Variants in AGBL1 observed in about 807,000 individuals in gnomAD.
The protein encoded by AGBL1 is AGBL carboxypeptidase 1, also known as cytosolic carboxypeptidase 4.
In AGBL1, 130 loss-of-function variants were observed where a neutral mutation model predicts 118.9. That is an observed-to-expected ratio of 1.09 (90% CI 0.95 to 1.26). The LOEUF (loss-of-function observed/expected upper bound fraction) is 1.26. Ranked by LOEUF, AGBL1 falls within the 50% of genes most tolerant of loss-of-function variation. The pLI is 0.00. For missense variants in AGBL1, 1,584 were observed against 1,298.1 expected, an observed-to-expected ratio of 1.22 and a Z score of -3.38; for synonymous variants, 555 against 478.9, an observed-to-expected ratio of 1.16 and a Z score of -2.08.
chr15:86,583,215 G>T (rs755348228), intron 21 of AGBL1, among the ~76,000 whole-genome samples: 1 of 151,916 alleles, frequency 6.6e-6, no homozygotes, highest in Non-Finnish European at 1.5e-5. Flanking sequence ...TGTTACTTGA[G>T]TATATTGAGT....
intron 17 of AGBL1, among the ~76,000 whole-genome samples, chr15:86,337,211 C>T (rs978089120): frequency 7.2e-5 from 11 of 152,158 alleles, no homozygotes; most frequent in Non-Finnish European, 1.3e-4. Context: ...CTATTTGATT[C>T]TCATGTGTTA....
intron 21 of AGBL1, among the ~76,000 whole-genome samples, chr15:86,561,576 G>T (rs2083821257): frequency 6.6e-6 from 1 of 152,196 alleles, no homozygotes; most frequent in African/African-American, 2.4e-5. Flanking sequence ...ATAGTTTGAA[G>T]TCAGGTAGTG....
At chr15:86,704,169 C>T (rs1201719146) in intron 22 of AGBL1, among the ~76,000 whole-genome samples, 5 of 152,142 alleles carry the variant, frequency 3.3e-5, no homozygotes, top group South Asian at 2.1e-4. Flanking sequence ...AATGTAAAAT[C>T]CCAAACCATA....
chr15:86,725,498 G>C (rs1567142196), intron 22 of AGBL1, among the ~76,000 whole-genome samples: 2 of 152,228 alleles, frequency 1.3e-5, no homozygotes. Context: ...ACCAGGCTTA[G>C]CTGAAAAGTT....
intron 5 of AGBL1, among the ~76,000 whole-genome samples, chr15:86,214,557 T>C (rs1364170773): frequency 6.6e-6 from 1 of 152,258 alleles, no homozygotes; most frequent in Non-Finnish European, 1.5e-5. Flanking sequence ...AAGTGCTAAC[T>C]TGAGAGTCAC....
At chr15:86,209,410 G>A (rs59746928) in intron 5 of AGBL1, among the ~76,000 whole-genome samples, 15,286 of 152,084 alleles carry the variant, frequency 0.1, 2,623 homozygotes, top group African/African-American at 0.35. Context: ...AATATTGACA[G>A]TGGAGTGTTA....
At chr15:86,459,709 G>C (rs1409777385) in intron 18 of AGBL1, among the ~76,000 whole-genome samples, 2 of 152,034 alleles carry the variant, frequency 1.3e-5, no homozygotes, top group Non-Finnish European at 2.9e-5. Context: ...GGCTCAGAAA[G>C]GTCATATGCT....
At chr15:86,184,306 A>G (rs1306422776) in intron 5 of AGBL1, among the ~76,000 whole-genome samples, 2 of 152,178 alleles carry the variant, frequency 1.3e-5, no homozygotes, top group African/African-American at 2.4e-5. Context: ...AATTAGTCAT[A>G]AGGTCCATAG....
chr15:86,721,860 T>C (rs1478090619), intron 22 of AGBL1, among the ~76,000 whole-genome samples: 1 of 152,136 alleles, frequency 6.6e-6, no homozygotes. Context: ...TATACACCGA[T>C]AACAGATCAA....
chr15:86,809,010 A>G (rs1299298511), intron 22 of AGBL1, among the ~76,000 whole-genome samples: 1 of 152,128 alleles, frequency 6.6e-6, no homozygotes, highest in East Asian at 1.9e-4. Flanking sequence ...TTCTTTCGTA[A>G]AGTACTATTC....
intron 22 of AGBL1, among the ~76,000 whole-genome samples, chr15:86,746,334 G>A (rs896444271): frequency 6.6e-6 from 1 of 152,046 alleles, no homozygotes; most frequent in African/African-American, 2.4e-5. Flanking sequence ...TTGCCTCTGA[G>A]CCTTTAACCT....
intron 18 of AGBL1, 151 bp from the exon 19 acceptor site, chr15:86,522,659 C>A: frequency 1.0e-6 from 1 of 972,098 alleles, no homozygotes; most frequent in Non-Finnish European, 1.5e-6. Context: ...AGATCTACAG[C>A]TTTCTAGACA....
chr15:86,113,212 TTTTTCTTTTCTTTTCTTTTC>T lies in AGBL1; in HGVS notation c.52-28763_52-28744del, dbSNP rs144582554. On this transcript the variant is annotated intron_variant, in intron 1 of 22. Coordinates refer to ENST00000614907, the MANE Select transcript of AGBL1 (RefSeq NM_001386094.1). ...TTCACCTCTTTATTTTTTCTTTTTC[TTTTTCTTTTCTTTTCTTTTC>T]TTTTCTTTTCTTTTCTTTTCTTTTC... 9.7e-3 allele frequency among the ~76,000 whole-genome samples: 1,190 copies of T among 122,180 alleles called. 27 individuals are homozygous for T. Among genetic ancestry groups the T allele is most frequent in the African/African-American group, 0.03 (1,044 of 34,432 alleles). The allele number at this position is 122,180 out of a possible 152,430, so 80.2% of individuals were successfully genotyped here. A position where few individuals can be genotyped will look rare whatever the true frequency, so the allele number is the denominator to read the frequency against.
intron 21 of AGBL1, among the ~76,000 whole-genome samples, chr15:86,617,928 A>G (rs1331600542): frequency 6.6e-6 from 1 of 152,234 alleles, no homozygotes; most frequent in Non-Finnish European, 1.5e-5. Context: ...TGATTATGCA[A>G]TATTAGTGGA....
At chr15:86,458,529 A>G (rs1257632056) in intron 18 of AGBL1, among the ~76,000 whole-genome samples, 1 of 152,176 alleles carries the variant, frequency 6.6e-6, no homozygotes, top group Admixed American at 6.6e-5. Context: ...TATCAGAGCT[A>G]TCTTTTTTAG....
intron 5 of AGBL1, among the ~76,000 whole-genome samples, chr15:86,169,272 A>T (rs982435740): frequency 6.6e-6 from 1 of 152,210 alleles, no homozygotes; most frequent in Non-Finnish European, 1.5e-5. Context: ...ACCCTCAGGT[A>T]TTTAGCTGGA....
chr15:86,675,989 G>A (rs1237773841), intron 22 of AGBL1, among the ~76,000 whole-genome samples: 1 of 152,074 alleles, frequency 6.6e-6, no homozygotes, highest in African/African-American at 2.4e-5. Context: ...AAATACAATG[G>A]CTGCTATATA....
intron 22 of AGBL1, among the ~76,000 whole-genome samples, chr15:86,858,464 GT>G (rs1373351915): frequency 6.8e-5 from 1 of 14,722 alleles, no homozygotes; most frequent in East Asian, 4.8e-3. Context: ...CTTTCAGGTG[GT>G]GTGTGTGTGT....
At chr15:86,847,686 C>A (rs1330190150) in intron 22 of AGBL1, among the ~76,000 whole-genome samples, 4 of 152,136 alleles carry the variant, frequency 2.6e-5, no homozygotes, top group Non-Finnish European at 4.4e-5. Context: ...ACAGTCAGAC[C>A]CATCCATCTT....
Sources: allele counts gnomAD v4.1 joint callset (sites outside exome capture counted in the v4.1 genomes callset), GRCh38; gene constraint gnomAD v4.1.1; transcripts MANE v1.5; gene names NCBI Gene and HGNC (gene_info 2026-07-23, HGNC 2026-07-21).